Variants in PALS1 observed in about 807,000 individuals in gnomAD.
PALS1 encodes protein associated with LIN7 1, MAGUK p55 family member, also known as protein PALS1.
Under a neutral mutation model 78.9 loss-of-function variants are expected in PALS1, and 31 were observed. The ratio of observed to expected loss-of-function variants is 0.39; its 90% CI spans 0.30 to 0.53. PALS1 has a LOEUF of 0.53. PALS1 is among the 20% of genes least tolerant of loss of function. The pLI, the probability that PALS1 is intolerant of heterozygous loss-of-function variation, is 0.67. For synonymous variants in PALS1, 276 were observed against 270.9 expected, an observed-to-expected ratio of 1.02 and a Z score of -0.18; for missense variants, 704 against 826.5, an observed-to-expected ratio of 0.85 and a Z score of 1.82.
intron 3 of PALS1, among the ~76,000 whole-genome samples, chr14:67,281,364 A>G (rs1167691655): frequency 1.3e-5 from 2 of 152,180 alleles, no homozygotes; most frequent in Non-Finnish European, 1.5e-5. Context: ...AGACATTTTA[A>G]TTACAGTGAA....
intron 1 of PALS1, among the ~76,000 whole-genome samples, chr14:67,254,649 T>G (rs1183978277): frequency 6.6e-6 from 1 of 152,214 alleles, no homozygotes; most frequent in Non-Finnish European, 1.5e-5. Context: ...GCACCAGATA[T>G]GAGTCCTTAT....
chr14:67,296,219 A>G (rs1185783301), intron 4 of PALS1, among the ~76,000 whole-genome samples: 1 of 152,196 alleles, frequency 6.6e-6, no homozygotes, highest in Non-Finnish European at 1.5e-5. Flanking sequence ...AAGGCATTCC[A>G]TGCTCAAAGG....
intron 1 of PALS1, among the ~76,000 whole-genome samples, chr14:67,242,427 G>A (rs1464405814): frequency 6.6e-6 from 1 of 152,064 alleles, no homozygotes; most frequent in Non-Finnish European, 1.5e-5. Context: ...CGCAGTGAAA[G>A]GTGTTAATAT....
chr14:67,247,800 A>C (rs1277588056), intron 1 of PALS1, among the ~76,000 whole-genome samples: 1 of 152,066 alleles, frequency 6.6e-6, no homozygotes, highest in Non-Finnish European at 1.5e-5. Flanking sequence ...GCTGGTCTCA[A>C]ATTCCTGGGC....
At chr14:67,277,452 G>C (rs2084524789) in intron 2 of PALS1, among the ~76,000 whole-genome samples, 1 of 152,164 alleles carries the variant, frequency 6.6e-6, no homozygotes, top group Non-Finnish European at 1.5e-5. Context: ...CAAGATGTTT[G>C]AGAAAAGATT....
intron 8 of PALS1, among the ~76,000 whole-genome samples, chr14:67,311,829 G>T (rs181479034): frequency 1.6e-4 from 24 of 152,262 alleles, no homozygotes; most frequent in Admixed American, 5.9e-4. Flanking sequence ...ATACAAATAA[G>T]AATTGATTAT....
chr14:67,313,328 A>G (rs1016989033), intron 9 of PALS1, among the ~76,000 whole-genome samples: 3 of 152,214 alleles, frequency 2.0e-5, no homozygotes, highest in Admixed American at 2.0e-4. Context: ...ATGTGCCATT[A>G]GGTGATTTCA....
chr14:67,269,399 G>A lies in PALS1; in HGVS notation c.-236-302G>A, dbSNP rs1419979005. On this transcript the variant is annotated intron_variant, in intron 1 of 14. Transcript: ENST00000261681. ...TTGATTTATACCTAGGAGTAGAATCGCTGATATGGTAACCCTATGTTTAGC... is the reference window on the plus strand; with the variant it reads ...TTGATTTATACCTAGGAGTAGAATCACTGATATGGTAACCCTATGTTTAGC... Among the ~76,000 whole-genome samples the A allele has an allele frequency of 2.6e-5, 4 of 151,966 alleles. No homozygotes were observed. In the East Asian group the frequency reaches 7.7e-4, roughly 29 times the overall value.
intron 1 of PALS1, among the ~76,000 whole-genome samples, chr14:67,264,861 C>T (rs2084295406): frequency 6.6e-6 from 1 of 152,100 alleles, no homozygotes; most frequent in African/African-American, 2.4e-5. Context: ...CTCAAGTTTA[C>T]ATCTGAGAAA....
chr14:67,328,920 C>T (rs1386272277), intron 14 of PALS1, among the ~76,000 whole-genome samples: 1 of 152,124 alleles, frequency 6.6e-6, no homozygotes, highest in Non-Finnish European at 1.5e-5. Context: ...GTGATGCCTT[C>T]AGCTTTATTC....
intron 1 of PALS1, among the ~76,000 whole-genome samples, chr14:67,268,386 T>A (rs2084362183): frequency 6.6e-6 from 1 of 152,172 alleles, no homozygotes; most frequent in Non-Finnish European, 1.5e-5. Context: ...GGATCTTGCA[T>A]GAGAAAGAAT....
At position 67,312,585 on chromosome 14, in the gene PALS1, G is replaced by A. The variant is rs150659640; in HGVS notation, c.1100G>A (p.Arg367Gln). 10 of 1,612,696 alleles carry A rather than the reference G, an allele frequency of 6.2e-6. No homozygotes were observed. Among genetic ancestry groups the A allele is most frequent in the Non-Finnish European group, 8.5e-6 (10 of 1,179,384 alleles). The change falls in exon 9 of 15, where the codon CGA (arginine) becomes CAA (glutamine). Residue 367 changes from arginine (R) to glutamine (Q), a missense_variant. Coordinates refer to ENST00000261681, the MANE Select transcript of PALS1 (RefSeq NM_022474.4). Reference sequence around the variant, plus strand: ...TCAGATGACCCTTATGTTCCATGTCGAGAGTTAGGTCTGTCTTTTCAAAAA... The same window carrying A: ...TCAGATGACCCTTATGTTCCATGTCAAGAGTTAGGTCTGTCTTTTCAAAAA... ...DPSDDPYVPC[R>Q]ELGLSFQKGD...
At chr14:67,278,619 A>G (rs1053334791) in intron 2 of PALS1, among the ~76,000 whole-genome samples, 5 of 152,164 alleles carry the variant, frequency 3.3e-5, no homozygotes, top group African/African-American at 1.2e-4. Flanking sequence ...TTTCAATCCC[A>G]TGTTAATTGT....
intron 1 of PALS1, among the ~76,000 whole-genome samples, chr14:67,260,195 T>C (rs1249481625): frequency 1.3e-5 from 2 of 152,340 alleles, no homozygotes; most frequent in East Asian, 3.9e-4. Flanking sequence ...TTGATTTAAC[T>C]GTATTCGTAA....
intron 3 of PALS1, among the ~76,000 whole-genome samples, chr14:67,281,131 T>G (rs1405467905): frequency 6.6e-6 from 1 of 152,064 alleles, no homozygotes; most frequent in South Asian, 2.1e-4. Flanking sequence ...ACTCCTGACC[T>G]CATGATCTGC....
intron 1 of PALS1, among the ~76,000 whole-genome samples, chr14:67,255,080 C>T (rs1463651736): frequency 6.6e-6 from 1 of 151,752 alleles, no homozygotes; most frequent in African/African-American, 2.4e-5. Flanking sequence ...ACCTGGGAGG[C>T]GGAGGTTGCA....
chr14:67,274,125 A>C (rs1417046045), intron 2 of PALS1, among the ~76,000 whole-genome samples: 1 of 152,038 alleles, frequency 6.6e-6, no homozygotes, highest in Non-Finnish European at 1.5e-5. Flanking sequence ...TCTTTGGTTT[A>C]ATTAGATCCC....
At chr14:67,323,261 G>GTGTGTA (rs1429954753) in intron 13 of PALS1, among the ~76,000 whole-genome samples, 1,781 of 124,142 alleles carry the variant, frequency 0.014, 13 homozygotes, top group Non-Finnish European at 0.02. Context: ...GTGTGTGTGT[G>GTGTGTA]TATATATATA....
At chr14:67,258,712 A>G (rs918893329) in intron 1 of PALS1, among the ~76,000 whole-genome samples, 1 of 149,178 alleles carries the variant, frequency 6.7e-6, no homozygotes, top group African/African-American at 2.5e-5. Context: ...ATGAGCCACT[A>G]TGCCCAGCCT....
Sources: allele counts gnomAD v4.1 joint callset (sites outside exome capture counted in the v4.1 genomes callset), GRCh38; gene constraint gnomAD v4.1.1; transcripts MANE v1.5; gene names NCBI Gene and HGNC (gene_info 2026-07-23, HGNC 2026-07-21).